Variants in TKTL1 observed in about 807,000 individuals in gnomAD.
TKTL1 encodes the protein transketolase like 1, also known as transketolase-like protein 1.
TKTL1 carries 1 observed loss-of-function variant against 39.3 expected under a neutral mutation model. The observed-to-expected ratio is 0.03, with a 90% confidence interval of 0.01 to 0.12. TKTL1 has a LOEUF of 0.12. TKTL1 is among the 10% of genes least tolerant of loss of function. TKTL1 has a pLI of 1.00. For missense variants in TKTL1, 575 were observed against 509.6 expected (o/e 1.13, Z -1.24); for synonymous variants, 262 against 193.8 (o/e 1.35, Z -2.92).
In TKTL1 at chrX:154,305,404, C is replaced by A. The variant is rs1557167032; in HGVS notation, c.235C>A (p.Arg79=). Residue 79 remains arginine (R), a synonymous_variant, in exon 2 of 13, where the codon CGA becomes AGA. Transcript: ENST00000369915. ...QSDPENPDND[R]FVLAKRLSFV... ...AGATCCAGAGAATCCGGACAACGAC[C>A]GATTTGTCCTCGCAAAGGTATGCCG... The A allele has an allele frequency of 1.7e-6, 2 of 1,209,259 alleles. No individual in the cohort carries two copies. Among genetic ancestry groups the A allele is most frequent in the Admixed American group, 4.3e-5 (2 of 45,982 alleles).
chrX:154,323,244 A>G lies in TKTL1; in HGVS notation c.1224A>G (p.Ile408Met). 9 of 1,211,355 alleles carry G rather than the reference A, an allele frequency of 7.4e-6. No individual in the cohort carries two copies. Among genetic ancestry groups the G allele is most frequent in the Non-Finnish European group, 1.0e-5 (9 of 895,319 alleles). Residue 408 changes from isoleucine to methionine, a missense_variant, in exon 9 of 13, where the codon ATA becomes ATG. Physicochemically the swap from Ile to Met is conservative, Grantham distance 10. Coordinates refer to ENST00000369915, the MANE Select transcript of TKTL1 (RefSeq NM_012253.4). Reference protein sequence around the residue: ...DGASQMALEDIAMFRTIPKCT... With the variant: ...DGASQMALEDMAMFRTIPKCT... ...CTTCCCAGATGGCCCTGGAGGATAT[A>G]GCCATGTTCCGAACCATTCCCAAGT...
chrX:154,301,781 C>T (rs782391850), intron 1 of TKTL1, among the ~76,000 whole-genome samples: 8 of 100,755 alleles, frequency 7.9e-5, no homozygotes, highest in South Asian at 9.1e-4. Flanking sequence ...TTAGTAGAGA[C>T]GGGGTTTCTC....
At chrX:154,321,701 A>G (rs1163981338) in intron 8 of TKTL1, among the ~76,000 whole-genome samples, 1 of 107,345 alleles carries the variant, frequency 9.3e-6, no homozygotes, top group African/African-American at 3.4e-5. Flanking sequence ...TGTGGCAGGC[A>G]GATGGGCTTA....
intron 1 of TKTL1, chrX:154,304,815 C>T: frequency 3.4e-6 from 1 of 292,086 alleles, no homozygotes; most frequent in Non-Finnish European, 6.4e-6. Flanking sequence ...GACTCACATG[C>T]AGGCCGCTTT....
Position 154,329,509 on chromosome X carries a change from T to C in TKTL1, c.1619-7T>C. On this transcript the variant is annotated splice_polypyrimidine_tract_variant and splice_region_variant and intron_variant, in intron 12 of 12. Transcript: ENST00000369915. ...CACAAAAGGGCCTAACATCCTTGTT[T>C]CCCCAGGTGGCATCGGGGAAGCTGT... The C allele has an allele frequency of 8.3e-7, 1 of 1,210,272 alleles. No individual in the cohort carries two copies. Among genetic ancestry groups the C allele is most frequent in the East Asian group, 3.0e-5 (1 of 33,819 alleles).
chrX:154,327,836 C>T lies in TKTL1; in HGVS notation c.1499-3C>T. 8.3e-7 allele frequency: 1 copy of T among 1,211,671 alleles called. No homozygotes were observed. Among genetic ancestry groups the T allele is most frequent in the African/African-American group, 1.7e-5 (1 of 57,738 alleles). The stretch of plus-strand genomic sequence containing the variant: ...TACCAAGCTGGTTTTTGCTGTTCTG[C>T]AGATATTTTTATCCGTGTCATCGAC... On this transcript the variant is annotated splice_region_variant and splice_polypyrimidine_tract_variant and intron_variant, in intron 11 of 12. Transcript: ENST00000369915.
intron 1 of TKTL1, among the ~76,000 whole-genome samples, chrX:154,300,619 T>C (rs782723607): frequency 8.9e-6 from 1 of 112,164 alleles, no homozygotes; most frequent in African/African-American, 3.2e-5. Flanking sequence ...TGTGCATTTA[T>C]TTTGTAACCT....
At chrX:154,310,163 C>A (rs985239737) in intron 3 of TKTL1, among the ~76,000 whole-genome samples, 2 of 111,790 alleles carry the variant, frequency 1.8e-5, no homozygotes, top group East Asian at 5.7e-4. Context: ...AAGAACAGAA[C>A]TAGCAGGTGG....
intron 9 of TKTL1, among the ~76,000 whole-genome samples, chrX:154,323,780 A>G (rs149403764): frequency 1.8e-3 from 204 of 112,519 alleles, no homozygotes; most frequent in African/African-American, 6.2e-3. Context: ...TACCACTACA[A>G]ACGAACCCGG....
intron 5 of TKTL1, among the ~76,000 whole-genome samples, chrX:154,312,063 C>T (rs782703174): frequency 8.9e-5 from 10 of 112,118 alleles, no homozygotes; most frequent in Non-Finnish European, 1.9e-4. Context: ...TACAGTGGAT[C>T]TGATCAGTCA....
chrX:154,323,852 T>C (rs1557171411), intron 9 of TKTL1, among the ~76,000 whole-genome samples: 1 of 112,504 alleles, frequency 8.9e-6, no homozygotes, highest in East Asian at 2.8e-4. Flanking sequence ...TGGGACCTCA[T>C]GCAAGGGCAT....
chrX:154,309,387 G>A lies in TKTL1; in HGVS notation c.295G>A (p.Gly99Arg), dbSNP rs782265633. ...TGTGGCAACAGGATGGCTCGGACAA[G>A]GACTGGGAGTTGCATGTGGAATGGC... ...VDVATGWLGQGLGVACGMAYT... is the reference protein window; with the variant it reads ...VDVATGWLGQRLGVACGMAYT... Residue 99 changes from glycine to arginine, a missense_variant, in exon 3 of 13, where the codon GGA becomes AGA. Coordinates refer to ENST00000369915, the MANE Select transcript of TKTL1 (RefSeq NM_012253.4). 4.1e-6 allele frequency: 5 copies of A among 1,211,722 alleles called. No homozygotes were observed. The South Asian group carries it at 7.0e-5, about 17-fold the overall frequency.
chrX:154,297,549 C>T (rs2067240404), intron 1 of TKTL1, among the ~76,000 whole-genome samples: 1 of 111,931 alleles, frequency 8.9e-6, no homozygotes, highest in Admixed American at 9.4e-5. Flanking sequence ...AGCCACCGCG[C>T]CTGGCCTGGT....
Position 154,305,293 on chromosome X carries a change from CTG to C in TKTL1, c.135-9_135-8del. The C allele has an allele frequency of 8.3e-7, 1 of 1,203,536 alleles. No homozygotes were observed. The highest frequency in any genetic ancestry group is 1.1e-6 in the Non-Finnish European group (1 of 888,868). ...CTGTGAGAAATGACCAGTGTCATGT[CTG>C]TCTTTCAGCCACCCTACATCATGTA... On this transcript the variant is annotated splice_polypyrimidine_tract_variant and intron_variant, in intron 1 of 12. Transcript: ENST00000369915.
At chrX:154,305,675 G>A (rs1485455814) in intron 2 of TKTL1, among the ~76,000 whole-genome samples, 1 of 110,593 alleles carries the variant, frequency 9.0e-6, no homozygotes, top group East Asian at 2.9e-4. Flanking sequence ...CACTTAGCAC[G>A]AACGCTTCCC....
chrX:154,329,379 G>A lies in TKTL1; in HGVS notation c.1619-137G>A, dbSNP rs782633766. ...ACTGGCAGTTTAGAATGAGAACTCC[G>A]CAGGCCCATCGGAGTGGCTGTTCAC... On this transcript the variant is annotated intron_variant, in intron 12 of 12. Coordinates refer to ENST00000369915, the MANE Select transcript of TKTL1 (RefSeq NM_012253.4). The A allele has an allele frequency of 1.1e-4, 66 of 612,575 alleles. 1 individual carries two copies. Among genetic ancestry groups the A allele is most frequent in the East Asian group, 2.6e-4 (8 of 30,226 alleles). 50.5% of individuals were successfully genotyped at this position (612,575 alleles called of 1,213,427 possible). A position where few individuals can be genotyped will look rare whatever the true frequency, so the allele number is the denominator to read the frequency against.
chrX:154,303,177 TTTTATTTATTTATTTA>T (rs201017132), intron 1 of TKTL1, among the ~76,000 whole-genome samples: 2,416 of 88,770 alleles, frequency 0.027, 46 homozygotes, highest in Non-Finnish European at 0.032. Flanking sequence ...TTTTTAAAAT[TTTTATTTATTTATTTA>T]TTTATTTATT....
chrX:154,319,317 T>C (rs1557170107), intron 7 of TKTL1, among the ~76,000 whole-genome samples: 1 of 112,525 alleles, frequency 8.9e-6, no homozygotes, highest in Admixed American at 9.4e-5. Context: ...TCCACCAGCA[T>C]AGTTATTTCA....
intron 9 of TKTL1, 78 bp from the exon 10 acceptor site, chrX:154,325,261 C>A (rs2067484908): frequency 2.1e-6 from 2 of 972,648 alleles, no homozygotes; most frequent in African/African-American, 1.9e-5. Context: ...CTTCACACCC[C>A]TCCTTCACTT....
Sources: allele counts gnomAD v4.1 joint callset (sites outside exome capture counted in the v4.1 genomes callset), GRCh38; gene constraint gnomAD v4.1.1; transcripts MANE v1.5; gene names NCBI Gene and HGNC (gene_info 2026-07-23, HGNC 2026-07-21).